SLC2A13: variants seen among roughly 807,000 people sequenced by gnomAD.
The protein encoded by SLC2A13 is solute carrier family 2 member 13.
Under a neutral mutation model 64.4 loss-of-function variants are expected in SLC2A13, and 32 were observed. That is an observed-to-expected ratio of 0.50 (90% CI 0.37 to 0.67). The LOEUF is 0.67. Among genes scored for constraint, SLC2A13 ranks in the 30% least tolerant of loss-of-function variants. The probability of loss-of-function intolerance (pLI) is 0.00; values close to 1 mark genes in which losing one functional copy is unlikely to be tolerated. For missense variants in SLC2A13, 743 were observed against 829.2 expected, an observed-to-expected ratio of 0.90 and a Z score of 1.28; for synonymous variants, 338 against 327.1, an observed-to-expected ratio of 1.03 and a Z score of -0.36.
At chr12:39,829,346 A>G (rs1475273422) in intron 7 of SLC2A13, 1 of 150,866 alleles carries the variant, frequency 6.6e-6, no homozygotes, top group Non-Finnish European at 1.5e-5. Flanking sequence ...GGCCTCTAAG[A>G]ATAAAAAAAA....
intron 3 of SLC2A13, among the ~76,000 whole-genome samples, chr12:39,960,744 C>CTTTTTTTTTT (rs71434303): frequency 9.2e-6 from 1 of 108,844 alleles, no homozygotes; most frequent in African/African-American, 3.5e-5. Flanking sequence ...CTGTCTCATT[C>CTTTTTTTTTT]TTTTTTTTTT....
At chr12:39,896,232 ATG>A (rs1210035297) in intron 4 of SLC2A13, among the ~76,000 whole-genome samples, 1 of 134,570 alleles carries the variant, frequency 7.4e-6, no homozygotes, top group South Asian at 2.3e-4. Context: ...ATATATGCAT[ATG>A]TGTATATATG....
intron 3 of SLC2A13, among the ~76,000 whole-genome samples, chr12:40,024,090 T>G (rs1021313174): frequency 2.1e-4 from 32 of 152,362 alleles, no homozygotes; most frequent in African/African-American, 7.7e-4. Flanking sequence ...AGTAATTACC[T>G]ATGTCTCTAT....
chr12:39,898,510 C>T (rs1473447052), intron 4 of SLC2A13, among the ~76,000 whole-genome samples: 2 of 151,862 alleles, frequency 1.3e-5, no homozygotes, highest in Non-Finnish European at 1.5e-5. Context: ...TTTCCCCCCT[C>T]TATCATTGAA....
chr12:39,962,735 C>G (rs1184015018), intron 3 of SLC2A13, among the ~76,000 whole-genome samples: 1 of 152,168 alleles, frequency 6.6e-6, no homozygotes, highest in Non-Finnish European at 1.5e-5. Flanking sequence ...CTTGCATCTG[C>G]TAAAGACTAT....
intron 3 of SLC2A13, among the ~76,000 whole-genome samples, chr12:40,001,997 T>C (rs1591995987): frequency 6.6e-6 from 1 of 152,192 alleles, no homozygotes; most frequent in Non-Finnish European, 1.5e-5. Context: ...TTTTATTAAG[T>C]AGGTGATCTT....
chr12:39,871,440 A>C (rs1411540526), intron 5 of SLC2A13, among the ~76,000 whole-genome samples: 6 of 152,138 alleles, frequency 3.9e-5, no homozygotes, highest in African/African-American at 1.4e-4. Flanking sequence ...TATGTTAAAA[A>C]GTGAGTTTCT....
chr12:39,770,578 G>A (rs1940526289), intron 7 of SLC2A13, among the ~76,000 whole-genome samples: 1 of 152,150 alleles, frequency 6.6e-6, no homozygotes, highest in Non-Finnish European at 1.5e-5. Context: ...TGAGATCGGG[G>A]AAAGAACTGT....
intron 6 of SLC2A13, among the ~76,000 whole-genome samples, chr12:39,834,512 T>C (rs1484225931): frequency 6.6e-6 from 1 of 152,106 alleles, no homozygotes; most frequent in Non-Finnish European, 1.5e-5. Flanking sequence ...CTCCATAGTG[T>C]ATGTGCAGGC....
intron 1 of SLC2A13, among the ~76,000 whole-genome samples, chr12:40,075,269 C>A (rs1477649582): frequency 6.6e-6 from 1 of 152,122 alleles, no homozygotes; most frequent in Non-Finnish European, 1.5e-5. Context: ...AAGATTTGTC[C>A]ACAGTGAATC....
At chr12:40,100,101 A>C (rs1316877987) in intron 1 of SLC2A13, among the ~76,000 whole-genome samples, 1 of 152,210 alleles carries the variant, frequency 6.6e-6, no homozygotes, top group Non-Finnish European at 1.5e-5. Context: ...TGTTTGAAAA[A>C]AAATGTGGTA....
At chr12:39,817,035 G>A (rs545882277) in intron 7 of SLC2A13, among the ~76,000 whole-genome samples, 239 of 151,068 alleles carry the variant, frequency 1.6e-3, no homozygotes, top group African/African-American at 5.3e-3. Context: ...AATGCCTTGA[G>A]GGAAAAAAAA....
chr12:39,799,934 G>A (rs1185026624), intron 7 of SLC2A13, among the ~76,000 whole-genome samples: 2 of 152,164 alleles, frequency 1.3e-5, no homozygotes, highest in Admixed American at 1.3e-4. Flanking sequence ...AATCCTTAGA[G>A]TAAGAAGTGT....
At chr12:39,871,475 A>G (rs970599765) in intron 5 of SLC2A13, among the ~76,000 whole-genome samples, 24 of 120,302 alleles carry the variant, frequency 2.0e-4, no homozygotes, top group African/African-American at 7.9e-4. Flanking sequence ...TAGTTTTTCA[A>G]AAAAGGATAG....
At chr12:39,902,411 T>A (rs1048687514) in intron 4 of SLC2A13, among the ~76,000 whole-genome samples, 1 of 152,080 alleles carries the variant, frequency 6.6e-6, no homozygotes, top group Non-Finnish European at 1.5e-5. Flanking sequence ...GAACTATTTT[T>A]AAACTTGAAA....
intron 3 of SLC2A13, among the ~76,000 whole-genome samples, chr12:39,987,455 A>G (rs895985576): frequency 1.3e-5 from 2 of 152,196 alleles, no homozygotes; most frequent in African/African-American, 4.8e-5. Context: ...GAAATGTGTC[A>G]AAAGCAAACT....
rs71449493 is a variant in SLC2A13, at chr12:39,812,996, A to ATTTTTTTTTT, written c.1445+17097_1445+17106dup. Among the ~76,000 whole-genome samples the ATTTTTTTTTT allele has an allele frequency of 2.5e-3, 101 of 40,614 alleles. 36 individuals carry two copies. Among genetic ancestry groups the ATTTTTTTTTT allele is most frequent in the African/African-American group, 5.4e-3 (58 of 10,814 alleles). 26.6% of individuals were successfully genotyped at this position (40,614 alleles called of 152,430 possible). A position where few individuals can be genotyped will look rare whatever the true frequency, so the allele number is the denominator to read the frequency against. The stretch of plus-strand genomic sequence containing the variant: ...AGGCGCCTGACATCATGCCCAGCTA[A>ATTTTTTTTTT]TTTTTTTTTTTTTTTTTTTTTTTTT... On this transcript the variant is annotated intron_variant, in intron 7 of 9. Transcript: ENST00000280871.
intron 3 of SLC2A13, among the ~76,000 whole-genome samples, chr12:39,975,922 T>C (rs1464248615): frequency 1.3e-5 from 2 of 152,202 alleles, no homozygotes; most frequent in Non-Finnish European, 2.9e-5. Flanking sequence ...TCTAAATAGC[T>C]ATGTGCACTA....
chr12:39,986,998 T>G (rs1947043781), intron 3 of SLC2A13, among the ~76,000 whole-genome samples: 1 of 152,144 alleles, frequency 6.6e-6, no homozygotes, highest in African/African-American at 2.4e-5. Flanking sequence ...ATAATAAAAA[T>G]CTTAAGCTTT....
Sources: allele counts gnomAD v4.1 joint callset (sites outside exome capture counted in the v4.1 genomes callset), GRCh38; gene constraint gnomAD v4.1.1; transcripts MANE v1.5; gene names NCBI Gene and HGNC (gene_info 2026-07-23, HGNC 2026-07-21).